The following POF1B variants were observed in gnomAD, a reference collection of about 807,000 sequenced individuals.
POF1B encodes protein POF1B.
POF1B carries 53 observed loss-of-function variants against 55.3 expected under a neutral mutation model. The ratio of observed to expected loss-of-function variants is 0.96; its 90% confidence interval spans 0.77 to 1.20. The LOEUF (loss-of-function observed/expected upper bound fraction) is 1.20. Among genes scored for constraint, POF1B ranks in the 50% most tolerant of loss-of-function variants. The probability of loss-of-function intolerance (pLI) is 0.00; values close to 1 mark genes in which losing one functional copy is unlikely to be tolerated. For missense variants in POF1B, 478 were observed against 420.5 expected, an observed-to-expected ratio of 1.14 and a Z score of -1.20; for synonymous variants, 188 against 148.3, an observed-to-expected ratio of 1.27 and a Z score of -1.95.
At chrX:85,303,760 C>T (rs1932511232) in intron 14 of POF1B, among the ~76,000 whole-genome samples, 1 of 110,773 alleles carries the variant, frequency 9.0e-6, no homozygotes, top group African/African-American at 3.3e-5. Context: ...ATTGAATGGG[C>T]GTGGTTCTCA....
intron 3 of POF1B, among the ~76,000 whole-genome samples, chrX:85,363,530 T>C (rs1241103860): frequency 8.9e-6 from 1 of 111,825 alleles, no homozygotes; most frequent in Non-Finnish European, 1.9e-5. Flanking sequence ...GAGCATGTTG[T>C]TTAATTTCCA....
intron 7 of POF1B, among the ~76,000 whole-genome samples, chrX:85,323,824 T>A (rs1371930013): frequency 9.0e-6 from 1 of 110,660 alleles, no homozygotes; most frequent in Non-Finnish European, 1.9e-5. Flanking sequence ...TAATTTGAGA[T>A]CTTTCTAACT....
chrX:85,301,252 T>C (rs1478733757), intron 15 of POF1B, among the ~76,000 whole-genome samples: 3 of 111,050 alleles, frequency 2.7e-5, no homozygotes, highest in Non-Finnish European at 5.7e-5. Flanking sequence ...TTGAAAGCAG[T>C]AAAAAAGAAA....
intron 15 of POF1B, among the ~76,000 whole-genome samples, chrX:85,289,418 C>G (rs1250520948): frequency 8.9e-6 from 1 of 112,006 alleles, no homozygotes; most frequent in Non-Finnish European, 1.9e-5. Context: ...GCTGCACGCT[C>G]TCATGTGCAA....
chrX:85,299,577 C>G (rs1215033103), intron 15 of POF1B, among the ~76,000 whole-genome samples: 5 of 101,714 alleles, frequency 4.9e-5, no homozygotes, highest in Admixed American at 1.1e-4. Flanking sequence ...CGTGAGCCAC[C>G]GCGCCCAGCC....
intron 6 of POF1B, among the ~76,000 whole-genome samples, chrX:85,334,435 C>A (rs769110141): frequency 9.0e-6 from 1 of 111,241 alleles, no homozygotes; most frequent in East Asian, 2.8e-4. Flanking sequence ...TACGGATACA[C>A]AAAACATGAT....
chrX:85,315,913 T>A (rs756535035), intron 7 of POF1B, among the ~76,000 whole-genome samples, 179 bp from the exon 8 acceptor site: 130 of 110,684 alleles, frequency 1.2e-3, no homozygotes, highest in African/African-American at 4.1e-3. Flanking sequence ...TTTGACTAAA[T>A]TTTTTTTTCT....
chrX:85,332,070 A>C (rs1569290386), intron 6 of POF1B, among the ~76,000 whole-genome samples: 2 of 111,899 alleles, frequency 1.8e-5, no homozygotes, highest in Non-Finnish European at 3.8e-5. Context: ...TCAACATGGA[A>C]GTGCAGATAT....
chrX:85,292,517 C>T (rs1245685406), intron 15 of POF1B, among the ~76,000 whole-genome samples: 3 of 112,045 alleles, frequency 2.7e-5, no homozygotes, highest in Non-Finnish European at 5.6e-5. Context: ...ATGGTCCCAG[C>T]TCCTCTTTGT....
chrX:85,293,998 G>T (rs766560969), intron 15 of POF1B, among the ~76,000 whole-genome samples: 24 of 110,141 alleles, frequency 2.2e-4, no homozygotes, highest in Admixed American at 1.7e-3. Flanking sequence ...TAAAGAAGAA[G>T]AAGAAGGAGA....
intron 4 of POF1B, among the ~76,000 whole-genome samples, chrX:85,357,040 C>G (rs192456899): frequency 9.0e-6 from 1 of 111,200 alleles, no homozygotes; most frequent in Non-Finnish European, 1.9e-5. Flanking sequence ...TACTACGTTG[C>G]TTACAAATAT....
At chrX:85,294,025 C>T (rs1371263863) in intron 15 of POF1B, among the ~76,000 whole-genome samples, 5 of 110,186 alleles carry the variant, frequency 4.5e-5, no homozygotes, top group Non-Finnish European at 9.5e-5. Flanking sequence ...AGGAGAGGAA[C>T]ATTTAAAAAG....
intron 15 of POF1B, among the ~76,000 whole-genome samples, chrX:85,282,748 G>T (rs1931933258): frequency 9.1e-6 from 1 of 109,955 alleles, no homozygotes; most frequent in Admixed American, 9.7e-5. Context: ...AGTTTGTGGG[G>T]CAGAGTATCA....
chrX:85,278,506 C>T lies in POF1B; in HGVS notation c.*915G>A, dbSNP rs374007516. On this transcript the variant is annotated 3_prime_UTR_variant, in exon 17 of 17. Transcript: ENST00000262753. ...ATTGCTAAATCAACTTCTAAGTATA[C>T]TAAATACTCTGCTACAAAATATTTC... is the stretch of plus-strand genomic sequence containing the variant. The T allele has an allele frequency of 9.0e-6, 1 of 111,394 alleles. No individual in the cohort carries two copies. Among genetic ancestry groups the T allele is most frequent in the East Asian group, 2.8e-4 (1 of 3,526 alleles). 9.2% of individuals were successfully genotyped at this position (111,394 alleles called of 1,213,427 possible). A position where few individuals can be genotyped will look rare whatever the true frequency, so the allele number is the denominator to read the frequency against.
At chrX:85,301,425 A>C (rs191963106) in intron 15 of POF1B, among the ~76,000 whole-genome samples, 221 of 111,726 alleles carry the variant, frequency 2.0e-3, no homozygotes, top group African/African-American at 6.7e-3. Flanking sequence ...AAGGAAAAGC[A>C]ATATATTCCC....
intron 15 of POF1B, among the ~76,000 whole-genome samples, chrX:85,299,892 C>T (rs1322486092): frequency 3.6e-5 from 4 of 112,487 alleles, no homozygotes; most frequent in Non-Finnish European, 7.5e-5. Flanking sequence ...GCCACATTGT[C>T]GTTATAATTG....
intron 3 of POF1B, among the ~76,000 whole-genome samples, chrX:85,366,058 A>G (rs1215967574): frequency 1.8e-5 from 2 of 112,241 alleles, no homozygotes; most frequent in African/African-American, 6.5e-5. Context: ...GACATGAACA[A>G]TTTATAAAAA....
chrX:85,307,421 G>T, intron 10 of POF1B, 145 bp from the exon 11 acceptor site: 1 of 396,964 alleles, frequency 2.5e-6, no homozygotes, highest in Non-Finnish European at 4.3e-6. Context: ...TAAAAGTTAA[G>T]AAAATACGGG....
intron 6 of POF1B, among the ~76,000 whole-genome samples, chrX:85,341,231 T>C (rs1201372132): frequency 1.8e-5 from 2 of 110,980 alleles, no homozygotes; most frequent in Non-Finnish European, 3.8e-5. Flanking sequence ...GCTTTATATA[T>C]AGCTATTTAG....
Sources: allele counts gnomAD v4.1 joint callset (sites outside exome capture counted in the v4.1 genomes callset), GRCh38; gene constraint gnomAD v4.1.1; transcripts MANE v1.5; gene names NCBI Gene and HGNC (gene_info 2026-07-23, HGNC 2026-07-21).